The following ATG10 variants were observed in gnomAD, a reference collection of about 807,000 sequenced individuals.
The protein encoded by ATG10 is ubiquitin-like-conjugating enzyme ATG10.
ATG10 carries 30 observed loss-of-function variants against 32.1 expected under a neutral mutation model. The ratio of observed to expected loss-of-function variants is 0.94; its 90% CI spans 0.70 to 1.27. The LOEUF is 1.27. Among genes scored for constraint, ATG10 ranks in the 50% most tolerant of loss-of-function variants. The pLI, the probability that ATG10 is intolerant of heterozygous loss-of-function variation, is 0.00. For missense variants in ATG10, 233 were observed against 262.3 expected, an observed-to-expected ratio of 0.89 and a Z score of 0.77; for synonymous variants, 87 against 91.5, an observed-to-expected ratio of 0.95 and a Z score of 0.28.
intron 3 of ATG10, among the ~76,000 whole-genome samples, chr5:82,091,357 A>G (rs1209067500): frequency 6.6e-6 from 1 of 152,152 alleles, no homozygotes; most frequent in Admixed American, 6.6e-5. Context: ...GGCATGAGCC[A>G]CCATGCCTGA....
At chr5:82,009,769 C>G in intron 2 of ATG10, 1 of 1,607,086 alleles carries the variant, frequency 6.2e-7, no homozygotes, top group Non-Finnish European at 8.5e-7. Flanking sequence ...AACTGGGAGC[C>G]ATTTGTGTTG....
intron 5 of ATG10, among the ~76,000 whole-genome samples, chr5:82,240,118 TA>T (rs1746726734): frequency 6.6e-6 from 1 of 152,098 alleles, no homozygotes; most frequent in African/African-American, 2.4e-5. Flanking sequence ...TTGAGGCTCC[TA>T]AAAAAACTAA....
intron 2 of ATG10, among the ~76,000 whole-genome samples, chr5:82,043,143 A>G (rs1763135718): frequency 6.6e-6 from 1 of 152,196 alleles, no homozygotes; most frequent in South Asian, 2.1e-4. Context: ...TCTGAAATCT[A>G]GGTGTAGGTT....
At chr5:81,987,821 ATGTCTTAC>A (rs1165801777) in intron 2 of ATG10, 143 bp downstream of exon 2, 1 of 602,716 alleles carries the variant, frequency 1.7e-6, no homozygotes, top group Non-Finnish European at 3.0e-6. Flanking sequence ...AAATTGAAGA[ATGTCTTAC>A]AACAGATGTC....
At chr5:82,168,959 T>C (rs1743687533) in intron 4 of ATG10, among the ~76,000 whole-genome samples, 1 of 152,020 alleles carries the variant, frequency 6.6e-6, no homozygotes, top group Non-Finnish European at 1.5e-5. Context: ...TCCAACAACT[T>C]GTAGAGGACA....
rs763079772 is a variant in ATG10, at chr5:82,253,475, A to G, written c.*4+46A>G. ...TAATGTTTTGCCGTTACAAAGATCA[A>G]TGTCTCCATTGCATTTAGACTCATC... On this transcript the variant is annotated intron_variant, in intron 7 of 7. Transcript: ENST00000282185. 103 of 1,274,666 alleles carry G rather than the reference A, an allele frequency of 8.1e-5. 3 individuals carry two copies. The South Asian group carries it at 1.1e-3, about 13-fold the overall frequency. The allele number at this position is 1,274,666 out of a possible 1,614,324, so 79.0% of individuals were successfully genotyped here.
intron 3 of ATG10, among the ~76,000 whole-genome samples, chr5:82,069,235 G>A (rs1764045255): frequency 6.6e-6 from 1 of 152,088 alleles, no homozygotes; most frequent in African/African-American, 2.4e-5. Flanking sequence ...TGAATGGCAA[G>A]CTTCAGATAT....
At chr5:82,018,275 C>T (rs1206690967) in intron 2 of ATG10, among the ~76,000 whole-genome samples, 1 of 152,104 alleles carries the variant, frequency 6.6e-6, no homozygotes, top group African/African-American at 2.4e-5. Context: ...TTTTTACACC[C>T]CACATCTAAT....
At chr5:82,067,603 T>C (rs1395223659) in intron 3 of ATG10, among the ~76,000 whole-genome samples, 1 of 152,166 alleles carries the variant, frequency 6.6e-6, no homozygotes, top group East Asian at 1.9e-4. Context: ...TTTGCAAAAT[T>C]CAGAGTGTGT....
intron 5 of ATG10, among the ~76,000 whole-genome samples, chr5:82,213,686 G>T (rs1003920350): frequency 6.6e-6 from 1 of 152,092 alleles, no homozygotes; most frequent in Non-Finnish European, 1.5e-5. Flanking sequence ...CTACCAGTTC[G>T]ACCAGTCACG....
intron 3 of ATG10, among the ~76,000 whole-genome samples, chr5:82,071,301 T>A (rs1397748639): frequency 6.6e-6 from 1 of 152,096 alleles, no homozygotes; most frequent in African/African-American, 2.4e-5. Context: ...ACAGCAGGCA[T>A]CCTGATAAGT....
intron 5 of ATG10, among the ~76,000 whole-genome samples, chr5:82,211,888 A>G (rs1321631483): frequency 2.0e-5 from 3 of 152,124 alleles, no homozygotes; most frequent in African/African-American, 7.2e-5. Context: ...GGCCCAGGCC[A>G]ATAATCATTC....
At chr5:82,116,606 T>TA (rs58014020) in intron 3 of ATG10, among the ~76,000 whole-genome samples, 2,053 of 152,154 alleles carry the variant, frequency 0.013, 55 homozygotes, top group African/African-American at 0.047. Context: ...TGCCTAGAAA[T>TA]AAACTGCTGA....
chr5:82,229,260 C>G (rs1746253432), intron 5 of ATG10, among the ~76,000 whole-genome samples: 1 of 152,160 alleles, frequency 6.6e-6, no homozygotes. Context: ...TGTTACAGTA[C>G]TGGAGGAGCA....
At chr5:82,060,243 G>T (rs977380584) in intron 3 of ATG10, among the ~76,000 whole-genome samples, 3 of 151,982 alleles carry the variant, frequency 2.0e-5, no homozygotes, top group African/African-American at 7.3e-5. Flanking sequence ...AAATAATTTT[G>T]CAGTGAATAT....
intron 2 of ATG10, among the ~76,000 whole-genome samples, chr5:82,057,534 CT>C (rs1327264712): frequency 6.6e-6 from 1 of 152,164 alleles, no homozygotes; most frequent in Admixed American, 6.6e-5. Context: ...AAATTTCCCT[CT>C]TCTTATAGGA....
At chr5:82,056,293 A>G (rs1280208149) in intron 2 of ATG10, among the ~76,000 whole-genome samples, 1 of 152,206 alleles carries the variant, frequency 6.6e-6, no homozygotes, top group Non-Finnish European at 1.5e-5. Context: ...ATGTAATTGA[A>G]AAATCTGAGA....
At chr5:82,081,798 G>A (rs1034633858) in intron 3 of ATG10, among the ~76,000 whole-genome samples, 1 of 152,178 alleles carries the variant, frequency 6.6e-6, no homozygotes. Context: ...ATGTTCATCA[G>A]GGATATTGGT....
At chr5:82,080,323 T>C (rs1325804342) in intron 3 of ATG10, among the ~76,000 whole-genome samples, 1 of 152,248 alleles carries the variant, frequency 6.6e-6, no homozygotes, top group African/African-American at 2.4e-5. Context: ...GCCTGTTGAC[T>C]CCGATGGTAG....
Sources: allele counts gnomAD v4.1 joint callset (sites outside exome capture counted in the v4.1 genomes callset), GRCh38; gene constraint gnomAD v4.1.1; transcripts MANE v1.5; gene names NCBI Gene and HGNC (gene_info 2026-07-23, HGNC 2026-07-21).